Variants in HS6ST3 observed in about 807,000 individuals in gnomAD.
HS6ST3 encodes heparan sulfate 6-O-sulfotransferase 3.
HS6ST3 carries 12 observed loss-of-function variants against 36.7 expected under a neutral mutation model. That is an observed-to-expected ratio of 0.33 (90% CI 0.21 to 0.53). The LOEUF is 0.53. Ranked by LOEUF, HS6ST3 falls within the 20% of genes least tolerant of loss-of-function variation. HS6ST3 has a pLI of 0.95. For missense variants in HS6ST3, 584 were observed against 640.9 expected, an observed-to-expected ratio of 0.91 and a Z score of 0.96; for synonymous variants, 240 against 257.5, an observed-to-expected ratio of 0.93 and a Z score of 0.65.
chr13:96,722,617 CTTATT>C (rs1875877909), intron 1 of HS6ST3, among the ~76,000 whole-genome samples: 2 of 152,266 alleles, frequency 1.3e-5, no homozygotes, highest in South Asian at 4.1e-4. Context: ...CTCTGGGAAC[CTTATT>C]TTATTCTCCT....
intron 1 of HS6ST3, among the ~76,000 whole-genome samples, chr13:96,209,537 G>T (rs1241008059): frequency 6.6e-6 from 1 of 152,188 alleles, no homozygotes; most frequent in Non-Finnish European, 1.5e-5. Context: ...TCTGATAGTA[G>T]TAAAAGTAGC....
chr13:96,213,321 G>A (rs1351798217), intron 1 of HS6ST3, among the ~76,000 whole-genome samples: 1 of 152,108 alleles, frequency 6.6e-6, no homozygotes, highest in African/African-American at 2.4e-5. Flanking sequence ...CTTTTTTGTG[G>A]TCCCTGTGTT....
At chr13:96,449,541 G>T (rs2139484836) in intron 1 of HS6ST3, among the ~76,000 whole-genome samples, 1 of 152,248 alleles carries the variant, frequency 6.6e-6, no homozygotes, top group Non-Finnish European at 1.5e-5. Flanking sequence ...CTACCAAGCA[G>T]ATCTCTTTAT....
At chr13:96,399,420 G>A (rs1365039990) in intron 1 of HS6ST3, among the ~76,000 whole-genome samples, 1 of 152,078 alleles carries the variant, frequency 6.6e-6, no homozygotes, top group Non-Finnish European at 1.5e-5. Flanking sequence ...TAGATTAATA[G>A]CAAGATTACT....
chr13:96,705,322 A>G (rs1450427932), intron 1 of HS6ST3, among the ~76,000 whole-genome samples: 1 of 152,202 alleles, frequency 6.6e-6, no homozygotes, highest in African/African-American at 2.4e-5. Flanking sequence ...TTAAAACTGC[A>G]TATGGACAAA....
In HS6ST3 at chr13:96,466,467, A is replaced by T. The variant is rs551109911; in HGVS notation, c.708-366023A>T. On this transcript the variant is annotated intron_variant, in intron 1 of 1. Transcript: ENST00000376705. Reference sequence around the variant, plus strand: ...CATCTACCTGCTGTCCCACCCCTTCAATTTTCTGCTTCTACGAGTTTGACT... The same window carrying T: ...CATCTACCTGCTGTCCCACCCCTTCTATTTTCTGCTTCTACGAGTTTGACT... Among the ~76,000 whole-genome samples the T allele has an allele frequency of 2.6e-5, 4 of 152,068 alleles. No homozygotes were observed. In the East Asian group the frequency reaches 7.7e-4, roughly 29 times the overall value.
At chr13:96,525,847 C>G (rs887715075) in intron 1 of HS6ST3, among the ~76,000 whole-genome samples, 3 of 152,174 alleles carry the variant, frequency 2.0e-5, no homozygotes, top group African/African-American at 7.2e-5. Flanking sequence ...GCTCTGGTGA[C>G]AAAGCAGTTA....
chr13:96,824,357 A>G (rs1227465685), intron 1 of HS6ST3, among the ~76,000 whole-genome samples: 2 of 152,204 alleles, frequency 1.3e-5, no homozygotes, highest in Non-Finnish European at 2.9e-5. Context: ...TCGCTGTGAC[A>G]CACACCACTG....
At chr13:96,422,518 C>G (rs2055567147) in intron 1 of HS6ST3, among the ~76,000 whole-genome samples, 1 of 152,122 alleles carries the variant, frequency 6.6e-6, no homozygotes, top group African/African-American at 2.4e-5. Context: ...AGAATGATGT[C>G]TGGAAGAAAT....
At chr13:96,188,796 AT>A (rs1362925052) in intron 1 of HS6ST3, among the ~76,000 whole-genome samples, 4 of 152,296 alleles carry the variant, frequency 2.6e-5, no homozygotes, top group African/African-American at 9.6e-5. Context: ...AGATGATTGC[AT>A]TGGGGATATT....
chr13:96,531,115 C>G (rs1218106118), intron 1 of HS6ST3, among the ~76,000 whole-genome samples: 1 of 152,134 alleles, frequency 6.6e-6, no homozygotes, highest in Non-Finnish European at 1.5e-5. Context: ...TCCACTTTCT[C>G]TCTCTCTACA....
At chr13:96,462,200 G>A (rs1040875357) in intron 1 of HS6ST3, among the ~76,000 whole-genome samples, 1 of 152,038 alleles carries the variant, frequency 6.6e-6, no homozygotes, top group African/African-American at 2.4e-5. Context: ...CTCCCAAGAA[G>A]CTAGGACAAC....
At chr13:96,504,978 G>C (rs1473080894) in intron 1 of HS6ST3, among the ~76,000 whole-genome samples, 1 of 152,144 alleles carries the variant, frequency 6.6e-6, no homozygotes, top group Admixed American at 6.5e-5. Flanking sequence ...TATTACCCTA[G>C]ATGAGAAAAT....
rs7491529 is a variant in HS6ST3 at position 96,368,380 on chromosome 13, C to T, written c.707+276811C>T. Among the ~76,000 whole-genome samples the T allele has an allele frequency of 4.6e-5, 7 of 151,822 alleles. No individual in the cohort carries two copies. The South Asian group carries it at 1.2e-3, about 27-fold the overall frequency. On this transcript the variant is annotated intron_variant, in intron 1 of 1. Transcript: ENST00000376705. Reference sequence around the variant, plus strand: ...GTATATAAATGCCTATTATATTAAGCTTTACTATATTTGAAGAGGACATAT... The same window carrying T: ...GTATATAAATGCCTATTATATTAAGTTTTACTATATTTGAAGAGGACATAT...
intron 1 of HS6ST3, among the ~76,000 whole-genome samples, chr13:96,792,788 C>T (rs148585696): frequency 1.1e-4 from 17 of 152,086 alleles, no homozygotes; most frequent in African/African-American, 4.1e-4. Flanking sequence ...GGCAGCCTGG[C>T]AGTTTGACTA....
chr13:96,444,463 G>A (rs1436463715), intron 1 of HS6ST3, among the ~76,000 whole-genome samples: 1 of 152,202 alleles, frequency 6.6e-6, no homozygotes, highest in Non-Finnish European at 1.5e-5. Flanking sequence ...TACTTAAACA[G>A]TGAGGTCTTA....
intron 1 of HS6ST3, among the ~76,000 whole-genome samples, chr13:96,715,325 AG>A (rs1332395438): frequency 6.6e-6 from 1 of 152,154 alleles, no homozygotes; most frequent in African/African-American, 2.4e-5. Context: ...ACCCTGGGAA[AG>A]GTGGGTAGAT....
intron 1 of HS6ST3, among the ~76,000 whole-genome samples, chr13:96,112,269 A>G (rs2053871930): frequency 6.6e-6 from 1 of 152,180 alleles, no homozygotes; most frequent in South Asian, 2.1e-4. Context: ...TTGCATAATT[A>G]TGTAACAACC....
intron 1 of HS6ST3, among the ~76,000 whole-genome samples, chr13:96,457,758 G>A (rs2055761285): frequency 6.6e-6 from 1 of 152,024 alleles, no homozygotes; most frequent in Non-Finnish European, 1.5e-5. Context: ...TTTAGACCTG[G>A]AAATCTCATC....
Sources: allele counts gnomAD v4.1 joint callset (sites outside exome capture counted in the v4.1 genomes callset), GRCh38; gene constraint gnomAD v4.1.1; transcripts MANE v1.5; gene names NCBI Gene and HGNC (gene_info 2026-07-23, HGNC 2026-07-21).